Variants in HERPUD2 observed in about 807,000 individuals in gnomAD.
HERPUD2 encodes HERPUD family member 2.
HERPUD2 carries 13 observed loss-of-function variants against 49.9 expected under a neutral mutation model. The ratio of observed to expected loss-of-function variants is 0.26; its 90% CI spans 0.17 to 0.41. HERPUD2 has a LOEUF of 0.41. Ranked by LOEUF, HERPUD2 falls within the 10% of genes least tolerant of loss-of-function variation. The probability of loss-of-function intolerance (pLI) is 1.00; values close to 1 mark genes in which losing one functional copy is unlikely to be tolerated. For synonymous variants in HERPUD2, 172 were observed against 171.4 expected (o/e 1.00, Z -0.03); for missense variants, 449 against 492.2 (o/e 0.91, Z 0.83).
At chr7:35,636,610 A>T (rs1784874704) in intron 6 of HERPUD2, among the ~76,000 whole-genome samples, 1 of 152,182 alleles carries the variant, frequency 6.6e-6, no homozygotes, top group African/African-American at 2.4e-5. Context: ...CAAAGCAGTC[A>T]CTCAAATGAT....
intron 2 of HERPUD2, among the ~76,000 whole-genome samples, chr7:35,686,489 C>T (rs559508701): frequency 1.5e-4 from 22 of 146,076 alleles, no homozygotes; most frequent in African/African-American, 5.6e-4. Context: ...CCCGGCCTAA[C>T]ATTATCTTTT....
In HERPUD2 at chr7:35,667,561, G is replaced by A. The variant is rs1360828387; in HGVS notation, c.367C>T (p.Pro123Ser). Residue 123 changes from proline (P) to serine (S), a missense_variant, in exon 5 of 9, where the codon CCA becomes TCA. Pro to Ser is a moderately conservative substitution (Grantham distance 74). Transcript: ENST00000311350. ...SSSDHSGSTT[P>S]SSGQETLSLA... is the part of the protein sequence containing the mutation. ...GACAAGGTTTCTTGACCAGATGATG[G>A]AGTTGTTGATCCTGAATGATCTGAA... 6 of 1,613,518 alleles carry A rather than the reference G, an allele frequency of 3.7e-6. No individual in the cohort carries two copies. The highest frequency in any genetic ancestry group is 5.1e-6 in the Non-Finnish European group (6 of 1,179,506).
intron 4 of HERPUD2, 97 bp from the exon 5 acceptor site, chr7:35,667,685 G>T: frequency 1.1e-6 from 1 of 889,106 alleles, no homozygotes; most frequent in Non-Finnish European, 1.7e-6. Flanking sequence ...AAATCCCTCT[G>T]CAAAATAACA....
At chr7:35,662,708 G>C (rs183669275) in intron 5 of HERPUD2, among the ~76,000 whole-genome samples, 1 of 152,186 alleles carries the variant, frequency 6.6e-6, no homozygotes, top group Non-Finnish European at 1.5e-5. Context: ...TGTGGGATCA[G>C]TGGTGATATC....
chr7:35,663,699 T>C (rs185998064), intron 5 of HERPUD2, among the ~76,000 whole-genome samples: 129 of 152,322 alleles, frequency 8.5e-4, no homozygotes, highest in Non-Finnish European at 1.5e-3. Flanking sequence ...AAGTCTGTTT[T>C]ATCAGAGACT....
intron 5 of HERPUD2, among the ~76,000 whole-genome samples, chr7:35,661,735 A>G (rs1024126002): frequency 6.6e-6 from 1 of 152,150 alleles, no homozygotes. Context: ...GTATCCTGAG[A>G]CTTTGCTGAA....
intron 2 of HERPUD2, among the ~76,000 whole-genome samples, chr7:35,692,114 T>A (rs1786204172): frequency 6.6e-6 from 1 of 152,240 alleles, no homozygotes; most frequent in Admixed American, 6.5e-5. Context: ...CAAAAGTGTC[T>A]CCAGTGTGGC....
intron 5 of HERPUD2, among the ~76,000 whole-genome samples, chr7:35,650,521 C>G (rs552145486): frequency 6.6e-6 from 1 of 152,164 alleles, no homozygotes; most frequent in African/African-American, 2.4e-5. Context: ...CAGAGTCCAA[C>G]CCCCAGCGGG....
At chr7:35,643,544 G>T (rs1422067328) in intron 5 of HERPUD2, among the ~76,000 whole-genome samples, 1 of 151,744 alleles carries the variant, frequency 6.6e-6, no homozygotes, top group Non-Finnish European at 1.5e-5. Context: ...ATGTTAAGAA[G>T]AATATGCATA....
chr7:35,638,525 A>C lies in HERPUD2; in HGVS notation c.495-53T>G. Reference sequence around the variant, plus strand: ...TAATGCTCTAGCAGCTAAAAGTATTATTCTAAATTTTCATTTCTGAACCCC... The same window carrying C: ...TAATGCTCTAGCAGCTAAAAGTATTCTTCTAAATTTTCATTTCTGAACCCC... On this transcript the variant is annotated intron_variant, in intron 5 of 8. Coordinates refer to ENST00000311350, the MANE Select transcript of HERPUD2 (RefSeq NM_022373.5). 2.6e-6 allele frequency: 4 copies of C among 1,541,018 alleles called. No homozygotes were observed. The South Asian group carries it at 3.6e-5, about 14-fold the overall frequency.
At chr7:35,652,684 A>C in intron 5 of HERPUD2, among the ~76,000 whole-genome samples, 1 of 143,936 alleles carries the variant, frequency 6.9e-6, no homozygotes. Context: ...AAGGGAGGGA[A>C]GAGAGGGAGG....
chr7:35,667,218 C>G (rs768278687), intron 5 of HERPUD2, among the ~76,000 whole-genome samples: 1 of 152,196 alleles, frequency 6.6e-6, no homozygotes. Flanking sequence ...GACAAACATT[C>G]AAGATTGAAA....
intron 2 of HERPUD2, among the ~76,000 whole-genome samples, chr7:35,685,334 T>G (rs1004387073): frequency 6.7e-6 from 1 of 150,172 alleles, no homozygotes; most frequent in African/African-American, 2.4e-5. Context: ...TGTTTTTTTT[T>G]TTTTTTGGAG....
At chr7:35,665,265 C>T (rs1189869054) in intron 5 of HERPUD2, among the ~76,000 whole-genome samples, 1 of 152,246 alleles carries the variant, frequency 6.6e-6, no homozygotes, top group Non-Finnish European at 1.5e-5. Context: ...GTGGGCTCCA[C>T]CCAGTTCGAG....
chr7:35,688,045 C>G (rs1466963656), intron 2 of HERPUD2, among the ~76,000 whole-genome samples: 1 of 152,126 alleles, frequency 6.6e-6, no homozygotes, highest in Non-Finnish European at 1.5e-5. Flanking sequence ...CTTCAACTTA[C>G]AGGTTAGTTC....
chr7:35,694,432 T>C lies in HERPUD2; in HGVS notation c.-102A>G, dbSNP rs1016215273. On this transcript the variant is annotated 5_prime_UTR_variant, in exon 2 of 9. Transcript: ENST00000311350. Reference sequence around the variant, plus strand: ...GACTGGGATGAGGACAGAAGTGAGTTCTTAGTATTCCGTGTCCAAGTCAGT... The same window carrying C: ...GACTGGGATGAGGACAGAAGTGAGTCCTTAGTATTCCGTGTCCAAGTCAGT... 4.2e-6 allele frequency: 5 copies of C among 1,188,382 alleles called. No homozygotes were observed. In the African/African-American group the frequency reaches 7.6e-5, roughly 18 times the overall value. The allele number at this position is 1,188,382 out of a possible 1,614,324, so 73.6% of individuals were successfully genotyped here.
At chr7:35,646,641 A>G (rs1785058885) in intron 5 of HERPUD2, among the ~76,000 whole-genome samples, 2 of 152,150 alleles carry the variant, frequency 1.3e-5, no homozygotes, top group Non-Finnish European at 2.9e-5. Flanking sequence ...TTTTGGCAAA[A>G]AGCAAAATAA....
chr7:35,639,867 T>C (rs1784940131), intron 5 of HERPUD2, among the ~76,000 whole-genome samples: 1 of 152,202 alleles, frequency 6.6e-6, no homozygotes, highest in Admixed American at 6.5e-5. Context: ...ACTTTCCTTA[T>C]TCTTGATGGA....
intron 2 of HERPUD2, 62 bp downstream of exon 2, chr7:35,694,122 G>A (rs1786260461): frequency 3.8e-6 from 6 of 1,571,658 alleles, no homozygotes; most frequent in Non-Finnish European, 5.3e-6. Context: ...CAGGAAAAAG[G>A]AGGGTACACG....
Sources: allele counts gnomAD v4.1 joint callset (sites outside exome capture counted in the v4.1 genomes callset), GRCh38; gene constraint gnomAD v4.1.1; transcripts MANE v1.5; gene names NCBI Gene and HGNC (gene_info 2026-07-23, HGNC 2026-07-21).